The following GNG4 variants were observed in gnomAD, a reference collection of about 807,000 sequenced individuals.
GNG4 encodes the protein guanine nucleotide-binding protein G(I)/G(S)/G(O) subunit gamma-4.
Under a neutral mutation model 5.8 loss-of-function variants are expected in GNG4, and 4 were observed. The observed-to-expected ratio is 0.69, with a 90% CI of 0.34 to 1.57. The LOEUF is 1.57. Ranked by LOEUF, GNG4 falls within the 40% of genes most tolerant of loss-of-function variation. The pLI, the probability that GNG4 is intolerant of heterozygous loss-of-function variation, is 0.06. For synonymous variants in GNG4, 29 were observed against 32.9 expected (o/e 0.88, Z 0.41); for missense variants, 96 against 95.1 (o/e 1.01, Z -0.04).
At chr1:235,602,275 A>C (rs939199074) in intron 1 of GNG4, among the ~76,000 whole-genome samples, 4 of 152,112 alleles carry the variant, frequency 2.6e-5, no homozygotes, top group African/African-American at 9.7e-5. Context: ...CGATCTCAAC[A>C]ACAACAACAA....
At chr1:235,650,271 C>CACTGGAGGGGTG (rs1558510135), upstream of GNG4, among the ~76,000 whole-genome samples, 14 of 58,120 alleles carry the variant, frequency 2.4e-4, 1 homozygote, top group Middle Eastern at 7.1e-3. Flanking sequence ...GGGGGGGGGT[C>CACTGGAGGGGTG]TGGGGGGCGC....
chr1:235,576,960 C>T (rs76511395), intron 3 of GNG4, among the ~76,000 whole-genome samples: 6,839 of 152,288 alleles, frequency 0.045, 234 homozygotes, highest in Middle Eastern at 0.078. Context: ...ATGAATCGTG[C>T]AAAGCTCTCT....
chr1:235,565,274 G>A (rs1036925826), intron 3 of GNG4, among the ~76,000 whole-genome samples: 1 of 152,074 alleles, frequency 6.6e-6, no homozygotes, highest in African/African-American at 2.4e-5. Flanking sequence ...GCCGAGGTGG[G>A]CGGATCACCT....
intron 1 of GNG4, among the ~76,000 whole-genome samples, chr1:235,619,086 G>A (rs1470218714): frequency 1.5e-5 from 2 of 130,584 alleles, no homozygotes; most frequent in Non-Finnish European, 3.2e-5. Context: ...GATCACTTGG[G>A]CTGAGGAGTT....
intron 1 of GNG4, among the ~76,000 whole-genome samples, chr1:235,634,911 G>A (rs769400772): frequency 7.2e-5 from 11 of 152,140 alleles, no homozygotes; most frequent in Non-Finnish European, 8.8e-5. Context: ...TCCAGCCTGC[G>A]CGACAAGAGC....
At position 235,642,012 on chromosome 1, in the gene GNG4, G is replaced by T. The variant is rs965074654; in HGVS notation, c.-123+7650C>A. 6.6e-6 allele frequency among the ~76,000 whole-genome samples: 1 copy of T among 152,210 alleles called. No homozygotes were observed. Among genetic ancestry groups the T allele is most frequent in the Non-Finnish European group, 1.5e-5 (1 of 68,030 alleles). On this transcript the variant is annotated intron_variant, in intron 1 of 3. Coordinates refer to ENST00000391854, the MANE Select transcript of GNG4 (RefSeq NM_001098722.2). This position sits in a 1 kb window ranked among gnomAD's most constrained non-coding sequence, Gnocchi z 4.3. ...GTAACAGAACTTCCATGAGGGCGGG[G>T]ATTTTTCGCTTCCCCCGCAACTGCC...
chr1:235,581,800 C>T (rs915455322), intron 3 of GNG4, among the ~76,000 whole-genome samples: 2 of 152,140 alleles, frequency 1.3e-5, no homozygotes, highest in Admixed American at 6.6e-5. Flanking sequence ...CTTTGACTTT[C>T]CTCTTTCTTT....
chr1:235,641,456 C>A (rs1386857655), intron 1 of GNG4, among the ~76,000 whole-genome samples: 1 of 152,042 alleles, frequency 6.6e-6, no homozygotes, highest in East Asian at 1.9e-4. Flanking sequence ...TTTGGGAGGC[C>A]GAGGCAGGCG....
intron 1 of GNG4, among the ~76,000 whole-genome samples, chr1:235,598,870 T>G (rs1275779771): frequency 6.6e-6 from 1 of 151,664 alleles, no homozygotes; most frequent in Non-Finnish European, 1.5e-5. Flanking sequence ...GGATTACAGG[T>G]GCATGCCACC....
intron 1 of GNG4, among the ~76,000 whole-genome samples, chr1:235,601,716 G>A (rs530572074): frequency 2.0e-5 from 3 of 152,270 alleles, no homozygotes; most frequent in East Asian, 1.9e-4. Flanking sequence ...TGTGACTCAC[G>A]TCTTGCCAAT....
At chr1:235,589,239 C>A (rs1353368329) in intron 2 of GNG4, among the ~76,000 whole-genome samples, 2 of 152,174 alleles carry the variant, frequency 1.3e-5, no homozygotes, top group Non-Finnish European at 2.9e-5. Context: ...CATGCTGGCG[C>A]CCAGAGAAAG....
intron 3 of GNG4, among the ~76,000 whole-genome samples, chr1:235,574,417 G>GA (rs1687426012): frequency 6.6e-6 from 1 of 152,088 alleles, no homozygotes; most frequent in African/African-American, 2.4e-5. Context: ...AATGAACAGA[G>GA]AAGTAGTATC....
At chr1:235,598,614 C>T (rs1688183005) in intron 1 of GNG4, among the ~76,000 whole-genome samples, 1 of 151,912 alleles carries the variant, frequency 6.6e-6, no homozygotes, top group Non-Finnish European at 1.5e-5. Context: ...CAAAAAACCC[C>T]AAAAATATAA....
chr1:235,575,117 G>A (rs142921165), intron 3 of GNG4, among the ~76,000 whole-genome samples: 84 of 152,168 alleles, frequency 5.5e-4, no homozygotes, highest in African/African-American at 1.5e-3. Flanking sequence ...GAGCCACTGC[G>A]CCTCGCCACA....
At chr1:235,618,710 C>T (rs1688648694) in intron 1 of GNG4, among the ~76,000 whole-genome samples, 3 of 150,792 alleles carry the variant, frequency 2.0e-5, no homozygotes, top group African/African-American at 4.9e-5. Flanking sequence ...GGCTGGAGTG[C>T]AGTGGCGTGA....
At chr1:235,552,353 C>CCATGTTGTA in intron 3 of GNG4, 116 bp from the exon 4 acceptor site, 1 of 906,376 alleles carries the variant, frequency 1.1e-6, no homozygotes, top group Non-Finnish European at 1.7e-6. Flanking sequence ...ATTGTGTGCA[C>CCATGTTGTA]GGCCTACAAC....
rs1321463489 is a variant in GNG4, at chr1:235,580,743, T to TG, written c.99+2996_99+2997insC. 8.5e-4 allele frequency among the ~76,000 whole-genome samples: 117 copies of TG among 136,860 alleles called. 7 individuals carry two copies. The highest frequency in any genetic ancestry group is 3.3e-3 in the African/African-American group (107 of 32,850). 89.8% of individuals were successfully genotyped at this position (136,860 alleles called of 152,430 possible). A position where few individuals can be genotyped will look rare whatever the true frequency, so the allele number is the denominator to read the frequency against. ...AGCAACATGGCGGCCTATCCCGTTT[T>TG]TTGTTTTTTTTTTTTTTTTTTTCCT... On this transcript the variant is annotated intron_variant, in intron 3 of 3. Transcript: ENST00000391854.
At chr1:235,574,485 C>T (rs1172149360) in intron 3 of GNG4, among the ~76,000 whole-genome samples, 1 of 152,212 alleles carries the variant, frequency 6.6e-6, no homozygotes, top group Non-Finnish European at 1.5e-5. Context: ...CACATTCTCA[C>T]TTCAACCCAC....
chr1:235,622,785 T>C (rs1688737149), intron 1 of GNG4, among the ~76,000 whole-genome samples: 1 of 147,246 alleles, frequency 6.8e-6, no homozygotes, highest in Admixed American at 7.2e-5. Flanking sequence ...GGCAGAAGAA[T>C]CGCTTGAACC....
Sources: gnomAD v4.1 joint callset for allele counts (sites outside exome capture counted in the v4.1 genomes callset) on GRCh38, gnomAD v4.1.1 for gene constraint, Gnocchi (gnomAD v3.1) non-coding constraint, MANE v1.5 for transcripts, NCBI Gene and HGNC (gene_info 2026-07-23, HGNC 2026-07-21) for gene names.